The following LRP1B variants were observed in gnomAD, a reference collection of about 807,000 sequenced individuals.
LRP1B encodes the protein low-density lipoprotein receptor-related protein 1B.
In LRP1B, 217 loss-of-function variants were observed where a neutral mutation model predicts 556.6. The ratio of observed to expected loss-of-function variants is 0.39; its 90% CI spans 0.35 to 0.44. The LOEUF is 0.44. LRP1B is among the 20% of genes least tolerant of loss of function. LRP1B has a pLI of 1.00. For missense variants in LRP1B, 5,053 were observed against 5,620.8 expected, an observed-to-expected ratio of 0.90 and a Z score of 3.23; for synonymous variants, 2,047 against 1,865.8, an observed-to-expected ratio of 1.10 and a Z score of -2.50.
chr2:140,955,250 T>C (rs1695838729), intron 18 of LRP1B, among the ~76,000 whole-genome samples: 1 of 151,938 alleles, frequency 6.6e-6, no homozygotes, highest in Admixed American at 6.6e-5. Flanking sequence ...TTAAAATAAA[T>C]TTAACATTTT....
chr2:141,197,778 C>T (rs1007742663), intron 6 of LRP1B, among the ~76,000 whole-genome samples: 6 of 152,016 alleles, frequency 3.9e-5, no homozygotes, highest in African/African-American at 1.4e-4. Flanking sequence ...AACTCACCAC[C>T]TTTCTTTAGT....
At position 140,792,504 on chromosome 2, in the gene LRP1B, G is replaced by A. The variant is rs1196183948; in HGVS notation, c.5360-16266C>T. Among the ~76,000 whole-genome samples, 2 of 152,044 alleles carry A rather than the reference G, an allele frequency of 1.3e-5. 1 individual carries two copies. The highest frequency in any genetic ancestry group is 4.2e-4 in the South Asian group (2 of 4,814). ...TGGTAACTAAATTCCATATATAATC[G>A]TGCCTAGGAAATATTAACTTCAGTA... On this transcript the variant is annotated intron_variant, in intron 32 of 90. Transcript: ENST00000389484.
intron 49 of LRP1B, among the ~76,000 whole-genome samples, chr2:140,520,357 A>G (rs1690107670): frequency 6.6e-6 from 1 of 152,150 alleles, no homozygotes; most frequent in South Asian, 2.1e-4. Context: ...TCGCAAGGAC[A>G]GAAAACCAAA....
At chr2:141,371,834 CT>C (rs1323747145) in intron 3 of LRP1B, among the ~76,000 whole-genome samples, 1 of 151,774 alleles carries the variant, frequency 6.6e-6, no homozygotes, top group Non-Finnish European at 1.5e-5. Flanking sequence ...TTGACTTTCC[CT>C]TTTCCAATTT....
chr2:140,608,557 T>G (rs1413849361), intron 41 of LRP1B, among the ~76,000 whole-genome samples: 1 of 152,214 alleles, frequency 6.6e-6, no homozygotes, highest in Non-Finnish European at 1.5e-5. Flanking sequence ...ACACATGATT[T>G]TCCCAAATCA....
intron 1 of LRP1B, among the ~76,000 whole-genome samples, chr2:141,832,808 A>T (rs142713798): frequency 3.0e-4 from 46 of 151,902 alleles, no homozygotes; most frequent in Non-Finnish European, 5.6e-4. Context: ...GTAGAAATGA[A>T]GTCTCAATTA....
intron 17 of LRP1B, among the ~76,000 whole-genome samples, chr2:140,982,819 G>T (rs1297101811): frequency 2.0e-5 from 3 of 150,714 alleles, no homozygotes; most frequent in African/African-American, 2.4e-5. Flanking sequence ...CAGTGAGAGT[G>T]CAGAGAATAT....
intron 3 of LRP1B, among the ~76,000 whole-genome samples, chr2:141,449,002 T>A (rs1320523918): frequency 1.3e-5 from 2 of 152,232 alleles, no homozygotes; most frequent in South Asian, 2.1e-4. Context: ...GCTTTAAGAA[T>A]CTTTGTTAAT....
At chr2:141,136,473 GAC>G (rs2105042061) in intron 7 of LRP1B, among the ~76,000 whole-genome samples, 1 of 151,440 alleles carries the variant, frequency 6.6e-6, no homozygotes, top group African/African-American at 2.4e-5. Context: ...ATTTTTAAAA[GAC>G]AGTTTTATTT....
Position 141,571,008 on chromosome 2 carries a change from G to A in LRP1B, c.206-90475C>T, listed in dbSNP as rs534334755. 7.3e-5 allele frequency among the ~76,000 whole-genome samples: 11 copies of A among 151,368 alleles called. 1 individual carries two copies. The highest frequency in any genetic ancestry group is 4.6e-4 in the Admixed American group (7 of 15,190). ...TCTGAGACATCCAGGCAGCCCAGACGAGTGGGTTTCCCTCCAGCTTGGAGA... is the reference window on the plus strand; with the variant it reads ...TCTGAGACATCCAGGCAGCCCAGACAAGTGGGTTTCCCTCCAGCTTGGAGA... On this transcript the variant is annotated intron_variant, in intron 2 of 90. Coordinates refer to ENST00000389484, the MANE Select transcript of LRP1B (RefSeq NM_018557.3).
At chr2:140,986,747 T>C (rs1696938927) in intron 17 of LRP1B, among the ~76,000 whole-genome samples, 1 of 152,180 alleles carries the variant, frequency 6.6e-6, no homozygotes. Context: ...TCTTCACTCT[T>C]AGCTTCTTGA....
At chr2:140,626,036 T>C (rs866782486) in intron 41 of LRP1B, among the ~76,000 whole-genome samples, 59 of 152,198 alleles carry the variant, frequency 3.9e-4, no homozygotes, top group African/African-American at 1.4e-3. Flanking sequence ...GGAATGCTAT[T>C]CACTGCTAAG....
At chr2:141,158,996 C>T (rs1453409944) in intron 7 of LRP1B, among the ~76,000 whole-genome samples, 1 of 152,068 alleles carries the variant, frequency 6.6e-6, no homozygotes, top group Non-Finnish European at 1.5e-5. Flanking sequence ...TAGAAGTATA[C>T]AACTATTCTA....
intron 87 of LRP1B, among the ~76,000 whole-genome samples, chr2:140,241,101 T>C (rs1388809): frequency 0.31 from 46,308 of 150,822 alleles, 7,325 homozygotes; most frequent in Middle Eastern, 0.39. Context: ...GTAAAAGTCA[T>C]TTTGTTTTTT....
intron 7 of LRP1B, among the ~76,000 whole-genome samples, chr2:141,160,353 A>C (rs528806520): frequency 2.6e-5 from 4 of 152,142 alleles, no homozygotes; most frequent in Non-Finnish European, 5.9e-5. Context: ...GTCATTTTAA[A>C]ATAAAGTTAA....
intron 7 of LRP1B, among the ~76,000 whole-genome samples, chr2:141,129,585 G>A (rs992631159): frequency 6.6e-5 from 10 of 151,272 alleles, no homozygotes; most frequent in South Asian, 2.1e-4. Context: ...GGGGAGGGGC[G>A]GGGGGTGAAA....
chr2:140,485,847 A>G (rs1451930695), intron 58 of LRP1B, among the ~76,000 whole-genome samples: 20 of 2,538 alleles, frequency 7.9e-3, no homozygotes, highest in African/African-American at 0.012. Context: ...TCACGCACAT[A>G]CACACACACA....
chr2:141,698,321 G>T (rs527955899), intron 2 of LRP1B, among the ~76,000 whole-genome samples: 1 of 151,582 alleles, frequency 6.6e-6, no homozygotes. Flanking sequence ...TTATACAGAG[G>T]ATAACAATAA....
In LRP1B at chr2:141,721,632, T is replaced by C. The variant is rs151293014; in HGVS notation, c.205+88647A>G. ...GAGAAAAATCTTTAAAACATGACTTTTTGCTATTTTTCTAAGATTAGAGAA... is the reference window on the plus strand; with the variant it reads ...GAGAAAAATCTTTAAAACATGACTTCTTGCTATTTTTCTAAGATTAGAGAA... On this transcript the variant is annotated intron_variant, in intron 2 of 90. Coordinates refer to ENST00000389484, the MANE Select transcript of LRP1B (RefSeq NM_018557.3). 2.0e-3 allele frequency among the ~76,000 whole-genome samples: 301 copies of C among 152,330 alleles called. 5 individuals are homozygous for C. In the East Asian group the frequency reaches 0.044, roughly 22 times the overall value.
Sources: allele counts gnomAD v4.1 joint callset (sites outside exome capture counted in the v4.1 genomes callset), GRCh38; gene constraint gnomAD v4.1.1; transcripts MANE v1.5; gene names NCBI Gene and HGNC (gene_info 2026-07-23, HGNC 2026-07-21).